TRDMT1: variants seen among roughly 807,000 people sequenced by gnomAD.
TRDMT1 encodes tRNA (cytosine(38)-C(5))-methyltransferase.
A neutral mutation model predicts 51.2 loss-of-function variants in TRDMT1; 49 were observed. That is an observed-to-expected ratio of 0.96 (90% CI 0.76 to 1.21). The LOEUF (loss-of-function observed/expected upper bound fraction) is 1.21. Ranked by LOEUF, TRDMT1 falls within the 50% of genes most tolerant of loss-of-function variation. The pLI is 0.00. For synonymous variants in TRDMT1, 187 were observed against 164.6 expected (o/e 1.14, Z -1.04); for missense variants, 534 against 462.3 (o/e 1.16, Z -1.42).
chr10:17,201,258 C>A (rs1846118086), intron 1 of TRDMT1: 2 of 309,202 alleles, frequency 6.5e-6, no homozygotes, highest in Non-Finnish European at 6.0e-6. Context: ...TGGCACCAGG[C>A]GAGGGTCTCG....
intron 3 of TRDMT1, among the ~76,000 whole-genome samples, chr10:17,162,991 A>T (rs1371191185): frequency 6.6e-6 from 1 of 152,196 alleles, no homozygotes; most frequent in East Asian, 1.9e-4. Context: ...TGATGTAACC[A>T]GAGTTCAGAG....
In TRDMT1 at chr10:17,143,185, T is replaced by C. The variant is rs1055553368; in HGVS notation, c.*5855A>G. On this transcript the variant is annotated 3_prime_UTR_variant, in exon 11 of 11. Transcript: ENST00000377799. ...TGTTTGAACTCCACAGTGTGGTGCT[T>C]TCTATGTAGCTTCAATATTGATTCC... 2.0e-6 allele frequency: 2 copies of C among 985,298 alleles called. No homozygotes were observed. The highest frequency in any genetic ancestry group is 1.2e-4 in the Admixed American group (2 of 16,258). 61.0% of individuals were successfully genotyped at this position (985,298 alleles called of 1,614,324 possible). A position where few individuals can be genotyped will look rare whatever the true frequency, so the allele number is the denominator to read the frequency against.
intron 1 of TRDMT1, among the ~76,000 whole-genome samples, chr10:17,179,892 A>AT (rs949713087): frequency 1.1e-4 from 16 of 152,136 alleles, no homozygotes; most frequent in Non-Finnish European, 1.9e-4. Context: ...TGGGGAAAGG[A>AT]TTTTTTTAAC....
intron 1 of TRDMT1, among the ~76,000 whole-genome samples, chr10:17,187,466 T>A (rs993317795): frequency 6.6e-6 from 1 of 152,196 alleles, no homozygotes; most frequent in African/African-American, 2.4e-5. Context: ...AAAATGTTCA[T>A]GTACTATAGC....
Position 17,201,416 on chromosome 10 carries a change from G to C in TRDMT1, c.64+155C>G, listed in dbSNP as rs1041842219. ...TCTGGAGGGGTGGACACGGCGGCGC[G>C]CAGGAGCTGTTTCCAGGACAACCGA... On this transcript the variant is annotated intron_variant, in intron 1 of 10. Transcript: ENST00000377799. 4.5e-6 allele frequency: 3 copies of C among 671,598 alleles called. No individual in the cohort carries two copies. The African/African-American group carries it at 5.7e-5, about 13-fold the overall frequency. 41.6% of individuals were successfully genotyped at this position (671,598 alleles called of 1,614,324 possible).
At chr10:17,153,168 T>G in intron 10 of TRDMT1, 2 of 405,688 alleles carry the variant, frequency 4.9e-6, no homozygotes, top group Non-Finnish European at 8.7e-6. Flanking sequence ...TGTGGGGTGA[T>G]TAGGAGAGGA....
intron 1 of TRDMT1, among the ~76,000 whole-genome samples, chr10:17,183,567 G>A (rs1466516643): frequency 6.6e-6 from 1 of 151,966 alleles, no homozygotes; most frequent in Non-Finnish European, 1.5e-5. Flanking sequence ...ACAGGTGTGT[G>A]CCACCACGCC....
chr10:17,146,893 G>A lies in TRDMT1; in HGVS notation c.*2147C>T. ...CTGGTAGATACATCTTCATTAAGAT[G>A]TGAGTTTTATGCTTGTTACTGCATA... On this transcript the variant is annotated 3_prime_UTR_variant, in exon 11 of 11. Transcript: ENST00000377799. 1 of 981,652 alleles carries A rather than the reference G, an allele frequency of 1.0e-6. No individual in the cohort carries two copies. The highest frequency in any genetic ancestry group is 1.2e-6 in the Non-Finnish European group (1 of 828,252). 60.8% of individuals were successfully genotyped at this position (981,652 alleles called of 1,614,324 possible).
chr10:17,199,626 TCA>T (rs1457627315), intron 1 of TRDMT1, among the ~76,000 whole-genome samples: 1 of 152,148 alleles, frequency 6.6e-6, no homozygotes, highest in Non-Finnish European at 1.5e-5. Flanking sequence ...AAGCCAGAAC[TCA>T]CAAGCCTGTT....
intron 1 of TRDMT1, among the ~76,000 whole-genome samples, chr10:17,179,776 A>C (rs1843048824): frequency 1.3e-5 from 2 of 151,690 alleles, no homozygotes; most frequent in South Asian, 4.1e-4. Context: ...AAAAAAGGAA[A>C]AACAGAAACG....
intron 1 of TRDMT1, chr10:17,201,226 C>T: frequency 1.3e-5 from 3 of 237,120 alleles, no homozygotes; most frequent in Non-Finnish European, 1.7e-5. Context: ...TTCTCGGTGG[C>T]TGCACACTTA....
intron 6 of TRDMT1, among the ~76,000 whole-genome samples, chr10:17,159,446 T>C (rs778595645): frequency 1.2e-4 from 19 of 152,180 alleles, no homozygotes; most frequent in Non-Finnish European, 5.9e-5. Flanking sequence ...GAGTTAAAGA[T>C]TGAAACTGAC....
At chr10:17,184,809 C>T (rs1843682653) in intron 1 of TRDMT1, among the ~76,000 whole-genome samples, 2 of 152,262 alleles carry the variant, frequency 1.3e-5, no homozygotes, top group African/African-American at 2.4e-5. Context: ...ACACAGTATT[C>T]AGCATTAGGC....
At chr10:17,176,719 G>T in intron 1 of TRDMT1, among the ~76,000 whole-genome samples, 1 of 152,096 alleles carries the variant, frequency 6.6e-6, no homozygotes, top group Non-Finnish European at 1.5e-5. Context: ...CTAAGGAAAA[G>T]GTTAAACTTA....
intron 1 of TRDMT1, among the ~76,000 whole-genome samples, chr10:17,190,019 T>C (rs1275448374): frequency 1.3e-5 from 2 of 152,068 alleles, no homozygotes. Flanking sequence ...CACAAAGGGG[T>C]TTGGCTAGGT....
At position 17,142,855 on chromosome 10, in the gene TRDMT1, A is replaced by G. The variant is rs1203686164; in HGVS notation, c.*6185T>C. The G allele has an allele frequency of 1.9e-6, 1 of 537,812 alleles. No individual in the cohort carries two copies. Among genetic ancestry groups the G allele is most frequent in the African/African-American group, 2.1e-5 (1 of 48,710 alleles). 33.3% of individuals were successfully genotyped at this position (537,812 alleles called of 1,614,324 possible). A position where few individuals can be genotyped will look rare whatever the true frequency, so the allele number is the denominator to read the frequency against. On this transcript the variant is annotated 3_prime_UTR_variant, in exon 11 of 11. Coordinates refer to ENST00000377799, the MANE Select transcript of TRDMT1 (RefSeq NM_004412.7). ...GTGTGTCTTCCTGGTCCCACCTTTC[A>G]GAATTCTCCTTCTGATTCCTCTTGC...
At chr10:17,161,659 T>A (rs1045723416) in intron 4 of TRDMT1, 111 bp from the exon 5 acceptor site, 1 of 628,940 alleles carries the variant, frequency 1.6e-6, no homozygotes, top group Non-Finnish European at 2.4e-6. Context: ...TGAACTCTTT[T>A]TAAAATGGAA....
At chr10:17,162,543 C>T (rs12772275) in intron 3 of TRDMT1, among the ~76,000 whole-genome samples, 44,227 of 151,602 alleles carry the variant, frequency 0.29, 6,611 homozygotes, top group Middle Eastern at 0.4. Context: ...CCTGTCTCTA[C>T]TAAAAATACA....
At chr10:17,173,384 C>T (rs1363828002) in intron 2 of TRDMT1, among the ~76,000 whole-genome samples, 2 of 152,090 alleles carry the variant, frequency 1.3e-5, no homozygotes, top group African/African-American at 2.4e-5. Flanking sequence ...TATTGATATA[C>T]AACAAAACAT....
Sources: allele counts gnomAD v4.1 joint callset (sites outside exome capture counted in the v4.1 genomes callset), GRCh38; gene constraint gnomAD v4.1.1; transcripts MANE v1.5; gene names NCBI Gene and HGNC (gene_info 2026-07-23, HGNC 2026-07-21).